PAPPA: variants seen among roughly 807,000 people sequenced by gnomAD.
PAPPA encodes pappalysin 1, also known as pappalysin-1.
A neutral mutation model predicts 164.0 loss-of-function variants in PAPPA; 60 were observed. That is an observed-to-expected ratio of 0.37 (90% confidence interval 0.30 to 0.45). PAPPA has a LOEUF of 0.45. Ranked by LOEUF, PAPPA falls within the 20% of genes least tolerant of loss-of-function variation. PAPPA has a pLI of 1.00. For missense variants in PAPPA, 1,782 were observed against 2,087.3 expected (o/e 0.85, Z 2.85); for synonymous variants, 875 against 814.1 (o/e 1.07, Z -1.27).
intron 7 of PAPPA, 128 bp from the exon 8 acceptor site, chr9:116,265,729 C>T: frequency 1.5e-6 from 1 of 686,452 alleles, no homozygotes; most frequent in Non-Finnish European, 2.5e-6. Flanking sequence ...TATTGGATAG[C>T]TAAATGTGCA....
chr9:116,251,885 C>G (rs1844863966), intron 7 of PAPPA, among the ~76,000 whole-genome samples: 1 of 152,200 alleles, frequency 6.6e-6, no homozygotes, highest in South Asian at 2.1e-4. Context: ...CAGTCTGACA[C>G]AAATTACCAG....
At chr9:116,275,730 C>T (rs541754450) in intron 9 of PAPPA, among the ~76,000 whole-genome samples, 1 of 151,964 alleles carries the variant, frequency 6.6e-6, no homozygotes, top group South Asian at 2.1e-4. Flanking sequence ...CCTCTTCTAC[C>T]TTCTTGTCCT....
At chr9:116,279,999 G>A (rs1460787213) in intron 9 of PAPPA, among the ~76,000 whole-genome samples, 1 of 152,170 alleles carries the variant, frequency 6.6e-6, no homozygotes, top group African/African-American at 2.4e-5. Context: ...GAAAAGTAAT[G>A]TGCCTAAAAT....
chr9:116,305,471 T>TCA (rs56326167), intron 10 of PAPPA, among the ~76,000 whole-genome samples: 86 of 142,198 alleles, frequency 6.0e-4, no homozygotes, highest in African/African-American at 1.9e-3. Context: ...TCTCTCTCTC[T>TCA]CACACACACA....
intron 7 of PAPPA, among the ~76,000 whole-genome samples, chr9:116,261,949 A>C (rs1298306390): frequency 1.3e-5 from 2 of 151,958 alleles, no homozygotes; most frequent in African/African-American, 2.4e-5. Context: ...ACAGTGGCTC[A>C]TGCCTGTAAT....
At chr9:116,381,160 T>G (rs1375629164) in intron 20 of PAPPA, among the ~76,000 whole-genome samples, 7 of 152,162 alleles carry the variant, frequency 4.6e-5, no homozygotes. Context: ...ATTTCATTAG[T>G]GGGAGTCCTG....
chr9:116,218,734 G>A (rs1019109963), intron 4 of PAPPA, among the ~76,000 whole-genome samples: 33 of 152,168 alleles, frequency 2.2e-4, no homozygotes, highest in African/African-American at 8.0e-4. Flanking sequence ...ATTTATGCTT[G>A]AAAAGAAGTT....
intron 13 of PAPPA, among the ~76,000 whole-genome samples, chr9:116,343,842 C>A (rs1237781630): frequency 6.6e-6 from 1 of 151,930 alleles, no homozygotes; most frequent in African/African-American, 2.4e-5. Context: ...CTCACTGCAA[C>A]CTCCACCTCC....
At chr9:116,330,577 A>G (rs1845977647) in intron 10 of PAPPA, among the ~76,000 whole-genome samples, 1 of 151,934 alleles carries the variant, frequency 6.6e-6, no homozygotes. Flanking sequence ...GGTATTTACT[A>G]TCATTGAGAA....
chr9:116,189,683 T>A (rs1302853428), intron 2 of PAPPA, among the ~76,000 whole-genome samples: 2 of 152,176 alleles, frequency 1.3e-5, no homozygotes, highest in Non-Finnish European at 1.5e-5. Context: ...AATATCCACT[T>A]TCTTGTTTTT....
chr9:116,371,013 G>T (rs980732299), intron 19 of PAPPA, among the ~76,000 whole-genome samples: 20 of 152,212 alleles, frequency 1.3e-4, no homozygotes, highest in African/African-American at 4.6e-4. Context: ...AGTTTACCCA[G>T]TTGTGAAGTG....
At chr9:116,205,339 C>A (rs947734284) in intron 2 of PAPPA, among the ~76,000 whole-genome samples, 1 of 152,190 alleles carries the variant, frequency 6.6e-6, no homozygotes, top group African/African-American at 2.4e-5. Context: ...CCTACCCCAC[C>A]CTTTTTCTCT....
chr9:116,290,869 T>C (rs1845427860), intron 9 of PAPPA, among the ~76,000 whole-genome samples: 1 of 152,154 alleles, frequency 6.6e-6, no homozygotes, highest in South Asian at 2.1e-4. Flanking sequence ...CAGGCCAAAT[T>C]TCATTTCATT....
intron 1 of PAPPA, among the ~76,000 whole-genome samples, chr9:116,162,357 A>G (rs1843678555): frequency 6.6e-6 from 1 of 152,190 alleles, no homozygotes; most frequent in Non-Finnish European, 1.5e-5. Flanking sequence ...ACAGGTCCAC[A>G]TACCCTTAGT....
intron 1 of PAPPA, among the ~76,000 whole-genome samples, chr9:116,155,535 T>C (rs1843591873): frequency 6.6e-6 from 1 of 152,192 alleles, no homozygotes; most frequent in South Asian, 2.1e-4. Context: ...GAGATTCCCT[T>C]TCTGCACAAA....
At chr9:116,312,406 T>C (rs1484753247) in intron 10 of PAPPA, among the ~76,000 whole-genome samples, 1 of 151,228 alleles carries the variant, frequency 6.6e-6, no homozygotes, top group African/African-American at 2.4e-5. Flanking sequence ...ATGTAAAAAA[T>C]GTAAACAGCG....
In PAPPA at chr9:116,321,316, C is replaced by T. The variant is rs559420491; in HGVS notation, c.3148-9928C>T. 5.3e-5 allele frequency among the ~76,000 whole-genome samples: 8 copies of T among 152,262 alleles called. No homozygotes were observed. In the East Asian group the frequency reaches 7.7e-4, roughly 15 times the overall value. Reference sequence around the variant, plus strand: ...TGCTGGGATTACAGGCGTGAGCCACCGCGCCTGGCCATACATTCGCTTAGC... The same window carrying T: ...TGCTGGGATTACAGGCGTGAGCCACTGCGCCTGGCCATACATTCGCTTAGC... On this transcript the variant is annotated intron_variant, in intron 10 of 21. Coordinates refer to ENST00000328252, the MANE Select transcript of PAPPA (RefSeq NM_002581.5).
intron 9 of PAPPA, among the ~76,000 whole-genome samples, chr9:116,290,465 A>G (rs1845422390): frequency 1.3e-5 from 2 of 152,072 alleles, no homozygotes; most frequent in South Asian, 4.1e-4. Flanking sequence ...TGACACAGCT[A>G]AAAGGGATCA....
chr9:116,179,850 T>C (rs765316522), intron 1 of PAPPA, among the ~76,000 whole-genome samples: 2 of 152,186 alleles, frequency 1.3e-5, no homozygotes, highest in African/African-American at 2.4e-5. Flanking sequence ...GATTAAATCA[T>C]GGAAGGGAAA....
Sources: gnomAD v4.1 joint callset for allele counts (sites outside exome capture counted in the v4.1 genomes callset) on GRCh38, gnomAD v4.1.1 for gene constraint, MANE v1.5 for transcripts, NCBI Gene and HGNC (gene_info 2026-07-23, HGNC 2026-07-21) for gene names.